The following AFDN variants were observed in gnomAD, a reference collection of about 807,000 sequenced individuals.
The protein encoded by AFDN is afadin, adherens junction formation factor.
Under a neutral mutation model 216.6 loss-of-function variants are expected in AFDN, and 68 were observed. The ratio of observed to expected loss-of-function variants is 0.31; its 90% confidence interval spans 0.26 to 0.38. The LOEUF (loss-of-function observed/expected upper bound fraction) is 0.38, where lower values mean the gene tolerates loss of function less well. Ranked by LOEUF, AFDN falls within the 10% of genes least tolerant of loss-of-function variation. The pLI is 1.00. For missense variants in AFDN, 2,136 were observed against 2,342.0 expected, an observed-to-expected ratio of 0.91 and a Z score of 1.82; for synonymous variants, 868 against 853.7, an observed-to-expected ratio of 1.02 and a Z score of -0.29.
chr6:167,856,059 G>A (rs1782861630), intron 1 of AFDN, among the ~76,000 whole-genome samples: 1 of 152,114 alleles, frequency 6.6e-6, no homozygotes, highest in South Asian at 2.1e-4. Context: ...TTCCACCCGG[G>A]ATGTGAATCA....
At chr6:167,957,724 G>A (rs900410212) in intron 30 of AFDN, among the ~76,000 whole-genome samples, 15 of 152,146 alleles carry the variant, frequency 9.9e-5, no homozygotes, top group African/African-American at 3.4e-4. Flanking sequence ...TTGAGTAGCC[G>A]GTTAGTTAGG....
chr6:167,966,871 A>G (rs1017850170), intron 32 of AFDN, among the ~76,000 whole-genome samples: 3 of 152,112 alleles, frequency 2.0e-5, no homozygotes, highest in Non-Finnish European at 4.4e-5. Flanking sequence ...TTACAGGGAA[A>G]TTCCTCTCAT....
intron 12 of AFDN, among the ~76,000 whole-genome samples, chr6:167,906,089 C>T (rs901023054): frequency 6.6e-6 from 1 of 151,992 alleles, no homozygotes; most frequent in African/African-American, 2.4e-5. Flanking sequence ...GGTGACAGAG[C>T]GAGACTCCGT....
chr6:167,914,162 C>A lies in AFDN; in HGVS notation c.2059-6C>A. 1 of 1,613,308 alleles carries A rather than the reference C, an allele frequency of 6.2e-7. No individual in the cohort carries two copies. The highest frequency in any genetic ancestry group is 1.7e-5 in the Admixed American group (1 of 59,926). ...TGTTGCTTATGGAAGTGTGTTCTGTCTACAGAAACAGAAGAATATTGCAGG... is the reference window on the plus strand; with the variant it reads ...TGTTGCTTATGGAAGTGTGTTCTGTATACAGAAACAGAAGAATATTGCAGG... On this transcript the variant is annotated splice_polypyrimidine_tract_variant and splice_region_variant and intron_variant, in intron 16 of 33. Coordinates refer to ENST00000683244, the MANE Select transcript of AFDN (RefSeq NM_001386888.1).
intron 13 of AFDN, among the ~76,000 whole-genome samples, chr6:167,910,201 T>C (rs1562654187): frequency 6.6e-6 from 1 of 152,368 alleles, no homozygotes; most frequent in East Asian, 1.9e-4. Flanking sequence ...TGAACTGTGG[T>C]TATAACACAA....
chr6:167,828,108 C>G (rs896013073), intron 1 of AFDN, among the ~76,000 whole-genome samples: 2 of 152,178 alleles, frequency 1.3e-5, no homozygotes, highest in Admixed American at 6.5e-5. Flanking sequence ...TCTGTTCATT[C>G]GGTGGCTGCA....
chr6:167,907,810 C>T (rs1447059029), intron 13 of AFDN, among the ~76,000 whole-genome samples: 1 of 151,682 alleles, frequency 6.6e-6, no homozygotes, highest in African/African-American at 2.4e-5. Context: ...TTGTTCTTGC[C>T]GATTTCTCTG....
chr6:167,840,049 G>A (rs979698781), intron 1 of AFDN, among the ~76,000 whole-genome samples: 3 of 152,306 alleles, frequency 2.0e-5, no homozygotes, highest in East Asian at 3.9e-4. Context: ...CAGCAAGCAA[G>A]CAGAGTGTGT....
chr6:167,948,723 A>G (rs1199909036), intron 29 of AFDN, among the ~76,000 whole-genome samples: 1 of 152,242 alleles, frequency 6.6e-6, no homozygotes, highest in African/African-American at 2.4e-5. Flanking sequence ...AATTTTTAAG[A>G]CAAAGTTCAC....
intron 28 of AFDN, 46 bp downstream of exon 28, chr6:167,947,990 T>A: frequency 7.1e-7 from 1 of 1,413,686 alleles, no homozygotes; most frequent in Non-Finnish European, 1.0e-6. Context: ...ATTTCCATCC[T>A]TAGGGTTCCC....
At chr6:167,841,512 A>G (rs950593132) in intron 1 of AFDN, among the ~76,000 whole-genome samples, 1 of 152,128 alleles carries the variant, frequency 6.6e-6, no homozygotes, top group Admixed American at 6.5e-5. Flanking sequence ...ATACTGTACA[A>G]CGATGTCAGA....
In AFDN at chr6:167,905,097, T is replaced by C. The variant is rs78197172; in HGVS notation, c.1651-2074T>C. Reference sequence around the variant, plus strand: ...GCTTTTGTCTTTGCTTTTCACACTCTGGCCCCTTCTTGTCTCAGACCTCAG... The same window carrying C: ...GCTTTTGTCTTTGCTTTTCACACTCCGGCCCCTTCTTGTCTCAGACCTCAG... On this transcript the variant is annotated intron_variant, in intron 12 of 33. Transcript: ENST00000683244. Among the ~76,000 whole-genome samples, 411 of 152,328 alleles carry C rather than the reference T, an allele frequency of 2.7e-3. 4 individuals are homozygous for C. The highest frequency in any genetic ancestry group is 9.1e-3 in the African/African-American group (379 of 41,572).
At chr6:167,855,656 C>A (rs898450580) in intron 1 of AFDN, among the ~76,000 whole-genome samples, 2 of 152,106 alleles carry the variant, frequency 1.3e-5, no homozygotes, top group African/African-American at 2.4e-5. Flanking sequence ...ATAGCTTTAA[C>A]AACTGTGGTT....
intron 18 of AFDN, 89 bp from the exon 19 acceptor site, chr6:167,915,079 A>G: frequency 8.0e-7 from 1 of 1,245,668 alleles, no homozygotes; most frequent in South Asian, 1.4e-5. Flanking sequence ...TTACTACCAT[A>G]GGTACCATTA....
intron 23 of AFDN, among the ~76,000 whole-genome samples, chr6:167,939,151 T>C (rs573353719): frequency 6.6e-6 from 1 of 152,348 alleles, no homozygotes; most frequent in African/African-American, 2.4e-5. Flanking sequence ...TATAATAGTG[T>C]CACTAAAAAT....
intron 23 of AFDN, among the ~76,000 whole-genome samples, chr6:167,929,384 G>A (rs1442314106): frequency 6.6e-6 from 1 of 152,216 alleles, no homozygotes; most frequent in Non-Finnish European, 1.5e-5. Flanking sequence ...CAGCGTAGAA[G>A]GTTAGGTACA....
chr6:167,829,836 C>G (rs1265623387), intron 1 of AFDN, among the ~76,000 whole-genome samples: 1 of 152,030 alleles, frequency 6.6e-6, no homozygotes, highest in African/African-American at 2.4e-5. Flanking sequence ...GGATTACATT[C>G]TTTTTTTAAG....
At chr6:167,843,282 T>C (rs1357116781) in intron 1 of AFDN, among the ~76,000 whole-genome samples, 1 of 152,210 alleles carries the variant, frequency 6.6e-6, no homozygotes, top group African/African-American at 2.4e-5. Flanking sequence ...AATGCCCCTT[T>C]AGCAATTCCT....
Position 167,971,304 on chromosome 6 carries a change from T to C in AFDN, c.*1369T>C, listed in dbSNP as rs1798006061. The C allele has an allele frequency of 4.6e-6, 1 of 217,408 alleles. No homozygotes were observed. The allele number at this position is 217,408 out of a possible 1,614,324, so 13.5% of individuals were successfully genotyped here. On this transcript the variant is annotated 3_prime_UTR_variant, in exon 34 of 34. Transcript: ENST00000683244. ...AAAATAGACACATTTTCAAAGAGAA[T>C]GTTCTCTTACATATGTTAGGAAAAT...
Sources: gnomAD v4.1 joint callset for allele counts (sites outside exome capture counted in the v4.1 genomes callset) on GRCh38, gnomAD v4.1.1 for gene constraint, MANE v1.5 for transcripts, NCBI Gene and HGNC (gene_info 2026-07-23, HGNC 2026-07-21) for gene names.